Variants in YIPF1 observed in about 807,000 individuals in gnomAD.
YIPF1 encodes Yip1 domain family member 1.
In YIPF1, 22 loss-of-function variants were observed where a neutral mutation model predicts 37.0. That is an observed-to-expected ratio of 0.59 (90% confidence interval 0.42 to 0.85). The LOEUF (loss-of-function observed/expected upper bound fraction) is 0.85, where lower values mean the gene tolerates loss of function less well. YIPF1 is among the 40% of genes least tolerant of loss of function. The probability of loss-of-function intolerance (pLI) is 0.00; values close to 1 mark genes in which losing one functional copy is unlikely to be tolerated. For missense variants in YIPF1, 355 were observed against 373.1 expected (o/e 0.95, Z 0.40); for synonymous variants, 128 against 131.9 (o/e 0.97, Z 0.21).
intron 4 of YIPF1, among the ~76,000 whole-genome samples, chr1:53,880,210 G>T (rs1385102001): frequency 6.6e-6 from 1 of 152,022 alleles, no homozygotes. Context: ...CTTCAGCAAA[G>T]TCTCAGGATA....
chr1:53,871,287 A>T, intron 7 of YIPF1, 85 bp downstream of exon 7: 1 of 1,180,888 alleles, frequency 8.5e-7, no homozygotes, highest in Non-Finnish European at 1.2e-6. Context: ...CAGCATCTAG[A>T]GATGGGGCCC....
At chr1:53,857,064 G>A (rs907151205) in intron 10 of YIPF1, among the ~76,000 whole-genome samples, 4 of 152,164 alleles carry the variant, frequency 2.6e-5, no homozygotes, top group Non-Finnish European at 5.9e-5. Context: ...AGGCCCACGT[G>A]GCAAGCAACT....
intron 3 of YIPF1, among the ~76,000 whole-genome samples, chr1:53,885,819 CAAAA>C (rs55998099): frequency 1.4e-4 from 12 of 83,868 alleles, no homozygotes; most frequent in Non-Finnish European, 1.2e-4. Flanking sequence ...GACTCGGTCT[CAAAA>C]AAAAAAAAAA....
rs150369865 is a variant in YIPF1, at chr1:53,866,300, A to G, written c.731T>C (p.Met244Thr). ...CTCACGAACAGCTGGCCAAAATGTC[A>G]TTGCCAAGAGAGATCCTGAGATGCC... ...ALGISGSLLA[M>T]TFWPAVREDN... is the part of the protein sequence containing the mutation. Residue 244 changes from methionine (M) to threonine (T), a missense_variant, in exon 9 of 11, where the codon ATG (methionine) becomes ACG (threonine). Transcript: ENST00000072644. The G allele has an allele frequency of 2.0e-4, 317 of 1,614,008 alleles. 1 individual carries two copies. Among genetic ancestry groups the G allele is most frequent in the Non-Finnish European group, 2.6e-4 (309 of 1,179,992 alleles).
At chr1:53,865,056 C>T (rs1649980892) in intron 9 of YIPF1, among the ~76,000 whole-genome samples, 1 of 152,196 alleles carries the variant, frequency 6.6e-6, no homozygotes, top group Non-Finnish European at 1.5e-5. Flanking sequence ...CCTAAAAAGA[C>T]ACCTACATAT....
intron 10 of YIPF1, among the ~76,000 whole-genome samples, chr1:53,857,722 C>T (rs1337064742): frequency 6.6e-6 from 1 of 152,136 alleles, no homozygotes; most frequent in East Asian, 1.9e-4. Flanking sequence ...TGGCTCACAC[C>T]TATAATCCCA....
intron 4 of YIPF1, among the ~76,000 whole-genome samples, chr1:53,880,804 A>G (rs955477826): frequency 3.3e-5 from 5 of 152,202 alleles, no homozygotes; most frequent in African/African-American, 1.2e-4. Flanking sequence ...AAAAACAAGC[A>G]ATGGGGAAAG....
intron 9 of YIPF1, among the ~76,000 whole-genome samples, chr1:53,864,108 T>C (rs1649956860): frequency 6.6e-6 from 1 of 152,152 alleles, no homozygotes; most frequent in African/African-American, 2.4e-5. Flanking sequence ...CCTGCTCCTA[T>C]TCCTTAGAGA....
In YIPF1 at chr1:53,851,978, A is replaced by T. The variant is rs1181985136; in HGVS notation, c.*301T>A. 1 of 152,224 alleles carries T rather than the reference A, an allele frequency of 6.6e-6. No homozygotes were observed. Among genetic ancestry groups the T allele is most frequent in the Non-Finnish European group, 1.5e-5 (1 of 68,046 alleles). 9.4% of individuals were successfully genotyped at this position (152,224 alleles called of 1,614,324 possible). The stretch of plus-strand genomic sequence containing the variant: ...GTACCACAGTGAAGCATGTCATTTG[A>T]CTGTGGTGGCAAAGGGACGGCACTG... On this transcript the variant is annotated 3_prime_UTR_variant, in exon 11 of 11. Coordinates refer to ENST00000072644, the MANE Select transcript of YIPF1 (RefSeq NM_018982.5).
At chr1:53,856,926 A>G (rs1362007212) in intron 10 of YIPF1, among the ~76,000 whole-genome samples, 1 of 152,180 alleles carries the variant, frequency 6.6e-6, no homozygotes, top group African/African-American at 2.4e-5. Context: ...AGTCAATAGA[A>G]GATGGTAAAG....
intron 7 of YIPF1, among the ~76,000 whole-genome samples, chr1:53,869,882 T>G (rs1650131693): frequency 6.6e-6 from 1 of 150,904 alleles, no homozygotes; most frequent in Admixed American, 6.6e-5. Flanking sequence ...CTTTTTTTTT[T>G]TTTTTTTTGA....
At chr1:53,885,262 T>A (rs1650614378) in intron 3 of YIPF1, among the ~76,000 whole-genome samples, 1 of 152,186 alleles carries the variant, frequency 6.6e-6, no homozygotes, top group African/African-American at 2.4e-5. Flanking sequence ...AAAAAGATAG[T>A]CACAACTTTG....
rs1465486370 is a variant in YIPF1 at position 53,874,559 on chromosome 1, G to C, written c.365-3071C>G. On this transcript the variant is annotated intron_variant, in intron 6 of 10. Coordinates refer to ENST00000072644, the MANE Select transcript of YIPF1 (RefSeq NM_018982.5). The stretch of plus-strand genomic sequence containing the variant: ...AGGCAGGCAGACCATTTGAGGTTAG[G>C]AGTTTGAGACCAGCCTGGCCAACAT... Among the ~76,000 whole-genome samples the C allele has an allele frequency of 3.3e-5, 5 of 152,092 alleles. No individual in the cohort carries two copies. In the East Asian group the frequency reaches 9.6e-4, roughly 29 times the overall value.
intron 4 of YIPF1, among the ~76,000 whole-genome samples, chr1:53,880,989 G>A (rs1040676519): frequency 6.6e-6 from 1 of 152,136 alleles, no homozygotes; most frequent in Non-Finnish European, 1.5e-5. Context: ...TACCAGCTGG[G>A]CGCGGTGGCT....
At chr1:53,875,360 C>G (rs763817472) in intron 6 of YIPF1, among the ~76,000 whole-genome samples, 1 of 151,966 alleles carries the variant, frequency 6.6e-6, no homozygotes, top group Non-Finnish European at 1.5e-5. Context: ...ACAAAAAATA[C>G]AAACATTATC....
At chr1:53,859,392 G>A (rs1198215200) in intron 10 of YIPF1, among the ~76,000 whole-genome samples, 4 of 152,164 alleles carry the variant, frequency 2.6e-5, no homozygotes, top group Non-Finnish European at 5.9e-5. Context: ...GGCCGGGCAC[G>A]GTGGCTCACG....
chr1:53,855,622 G>T (rs973570512), intron 10 of YIPF1, among the ~76,000 whole-genome samples: 1 of 152,076 alleles, frequency 6.6e-6, no homozygotes, highest in Non-Finnish European at 1.5e-5. Flanking sequence ...AAATATTTAC[G>T]ATTGGGTTAC....
At chr1:53,865,610 C>A (rs752712014) in intron 9 of YIPF1, among the ~76,000 whole-genome samples, 2 of 152,030 alleles carry the variant, frequency 1.3e-5, no homozygotes, top group Admixed American at 6.6e-5. Flanking sequence ...AACCCCCATA[C>A]CAAGGAACAA....
chr1:53,864,312 T>A (rs938699093), intron 9 of YIPF1, among the ~76,000 whole-genome samples: 7 of 152,180 alleles, frequency 4.6e-5, no homozygotes, highest in African/African-American at 1.7e-4. Context: ...CGGCAGCATT[T>A]TAAGGGATCA....
Sources: gnomAD v4.1 joint callset for allele counts (sites outside exome capture counted in the v4.1 genomes callset) on GRCh38, gnomAD v4.1.1 for gene constraint, MANE v1.5 for transcripts, NCBI Gene and HGNC (gene_info 2026-07-23, HGNC 2026-07-21) for gene names.